Variants in ATAD2B observed in about 807,000 individuals in gnomAD.
ATAD2B encodes the protein ATPase family AAA domain containing 2B, also known as ATPase family AAA domain-containing protein 2B.
Under a neutral mutation model 167.6 loss-of-function variants are expected in ATAD2B, and 40 were observed. That is an observed-to-expected ratio of 0.24 (90% CI 0.19 to 0.31). The LOEUF is 0.31. Ranked by LOEUF, ATAD2B falls within the 10% of genes least tolerant of loss-of-function variation. The pLI, the probability that ATAD2B is intolerant of heterozygous loss-of-function variation, is 1.00. For missense variants in ATAD2B, 1,242 were observed against 1,757.2 expected (o/e 0.71, Z 5.24); for synonymous variants, 579 against 596.5 (o/e 0.97, Z 0.43).
chr2:23,768,400 C>T (rs1384825468), intron 22 of ATAD2B, among the ~76,000 whole-genome samples: 3 of 151,948 alleles, frequency 2.0e-5, no homozygotes, highest in Admixed American at 2.0e-4. Flanking sequence ...ACCTGCTCCA[C>T]CCTGTACAAA....
the ATAD2B span, among the ~76,000 whole-genome samples, chr2:23,727,676 C>G: frequency 2.8e-4 from 43 of 152,212 alleles, no homozygotes; most frequent in Non-Finnish European, 4.9e-4. Context: ...TATGCTTCAA[C>G]AGGTGAATGG....
the ATAD2B span, among the ~76,000 whole-genome samples, chr2:23,732,942 C>A: frequency 6.6e-6 from 1 of 152,192 alleles, no homozygotes; most frequent in African/African-American, 2.4e-5. Context: ...AAGTAAAAAT[C>A]TCTCTGTGAC....
chr2:23,894,076 A>AT (rs1201110450), intron 2 of ATAD2B, among the ~76,000 whole-genome samples: 3 of 152,164 alleles, frequency 2.0e-5, no homozygotes, highest in Non-Finnish European at 2.9e-5. Context: ...TGCATCTAGG[A>AT]TTTTTTTAAA....
rs1307015372 is a variant in ATAD2B at position 23,778,658 on chromosome 2, G to C, written c.3133+4211C>G. ...CTCTGCTAAAGGCTTAAGATATTTA[G>C]GATGAACCATATGAAAATGGCAATT... On this transcript the variant is annotated intron_variant, in intron 22 of 27. Coordinates refer to ENST00000238789, the MANE Select transcript of ATAD2B (RefSeq NM_017552.4). Among the ~76,000 whole-genome samples, 9 of 152,156 alleles carry C rather than the reference G, an allele frequency of 5.9e-5. No homozygotes were observed. The East Asian group carries it at 1.7e-3, about 29-fold the overall frequency.
intron 1 of ATAD2B, among the ~76,000 whole-genome samples, chr2:23,916,939 T>C (rs1455289098): frequency 6.6e-6 from 1 of 152,156 alleles, no homozygotes; most frequent in Non-Finnish European, 1.5e-5. Flanking sequence ...TTTAAGTACA[T>C]ACCATGAAGC....
At chr2:23,874,184 C>T (rs1696438898) in intron 8 of ATAD2B, among the ~76,000 whole-genome samples, 1 of 149,530 alleles carries the variant, frequency 6.7e-6, no homozygotes, top group Non-Finnish European at 1.5e-5. Flanking sequence ...AAGGCTCCAT[C>T]CCAAAAAAAA....
At chr2:23,710,757 T>C in the ATAD2B span, among the ~76,000 whole-genome samples, 2 of 152,250 alleles carry the variant, frequency 1.3e-5, no homozygotes, top group South Asian at 4.2e-4. Context: ...TGCCGTTACG[T>C]TGTATTAGGT....
intron 24 of ATAD2B, among the ~76,000 whole-genome samples, chr2:23,760,651 G>C (rs1430333526): frequency 7.0e-6 from 1 of 143,044 alleles, no homozygotes; most frequent in Non-Finnish European, 1.6e-5. Flanking sequence ...GCAACAGAGA[G>C]AGACTCTGTC....
At chr2:23,748,140 T>A (rs1419698030), downstream of ATAD2B, among the ~76,000 whole-genome samples, 6 of 152,108 alleles carry the variant, frequency 3.9e-5, no homozygotes, top group Non-Finnish European at 2.9e-5. Flanking sequence ...AGTAAGAATT[T>A]ATATTGAGGA....
chr2:23,848,955 T>A (rs1048690211), intron 13 of ATAD2B, among the ~76,000 whole-genome samples: 4 of 152,120 alleles, frequency 2.6e-5, no homozygotes, highest in African/African-American at 9.7e-5. Flanking sequence ...ATACATATAG[T>A]ATATATATTA....
chr2:23,761,180 A>C (rs1336180646), intron 24 of ATAD2B, among the ~76,000 whole-genome samples: 4 of 152,244 alleles, frequency 2.6e-5, no homozygotes. Flanking sequence ...AAATAGGCTT[A>C]ATCAGTTTCA....
At chr2:23,798,908 T>C (rs1295409832) in intron 18 of ATAD2B, among the ~76,000 whole-genome samples, 1 of 152,226 alleles carries the variant, frequency 6.6e-6, no homozygotes, top group African/African-American at 2.4e-5. Context: ...CTCTAACTTA[T>C]CTAAAGAGCA....
intron 1 of ATAD2B, among the ~76,000 whole-genome samples, chr2:23,902,241 A>G (rs1336461899): frequency 6.6e-6 from 1 of 152,226 alleles, no homozygotes; most frequent in Non-Finnish European, 1.5e-5. Context: ...GCTACAATGT[A>G]CTGGTATATT....
chr2:23,758,716 A>G (rs1401904443), intron 24 of ATAD2B, among the ~76,000 whole-genome samples: 4 of 152,232 alleles, frequency 2.6e-5, no homozygotes, highest in African/African-American at 9.6e-5. Context: ...CTTCTAGCAC[A>G]AACAGTTCAC....
chr2:23,780,481 G>C (rs1415744867), intron 22 of ATAD2B, among the ~76,000 whole-genome samples: 1 of 152,092 alleles, frequency 6.6e-6, no homozygotes, highest in Non-Finnish European at 1.5e-5. Context: ...TGCAATTATA[G>C]AATCTGTGAT....
chr2:23,765,791 C>T (rs1156759093), intron 22 of ATAD2B, among the ~76,000 whole-genome samples, 163 bp from the exon 23 acceptor site: 1 of 152,106 alleles, frequency 6.6e-6, no homozygotes, highest in Non-Finnish European at 1.5e-5. Context: ...TACTAAGCTA[C>T]TCAGTCAAGT....
At chr2:23,713,691 T>C in the ATAD2B span, among the ~76,000 whole-genome samples, 2 of 152,220 alleles carry the variant, frequency 1.3e-5, no homozygotes, top group Non-Finnish European at 2.9e-5. Flanking sequence ...TTCCGGCTTC[T>C]TTCACTTAAC....
the ATAD2B span, among the ~76,000 whole-genome samples, chr2:23,704,886 A>G: frequency 6.6e-6 from 1 of 152,252 alleles, no homozygotes; most frequent in Admixed American, 6.5e-5. Context: ...AATAGCATGA[A>G]GTACTTAGAG....
chr2:23,866,422 G>A (rs1303989280), intron 10 of ATAD2B, among the ~76,000 whole-genome samples: 1 of 151,846 alleles, frequency 6.6e-6, no homozygotes, highest in Non-Finnish European at 1.5e-5. Context: ...AAAAAAAAGA[G>A]AAAAAGAATT....
Sources: gnomAD v4.1 joint callset for allele counts (sites outside exome capture counted in the v4.1 genomes callset) on GRCh38, gnomAD v4.1.1 for gene constraint, MANE v1.5 for transcripts, NCBI Gene and HGNC (gene_info 2026-07-23, HGNC 2026-07-21) for gene names.